Variants in ACSL3 observed in about 807,000 individuals in gnomAD.
ACSL3 encodes the protein acyl-CoA synthetase long chain family member 3, also known as fatty acid CoA ligase Acsl3.
A neutral mutation model predicts 84.7 loss-of-function variants in ACSL3; 34 were observed. The observed-to-expected ratio is 0.40, with a 90% CI of 0.31 to 0.53. ACSL3 has a LOEUF of 0.53. Among genes scored for constraint, ACSL3 ranks in the 20% least tolerant of loss-of-function variants. ACSL3 has a pLI of 0.48. For synonymous variants in ACSL3, 315 were observed against 299.4 expected, an observed-to-expected ratio of 1.05 and a Z score of -0.54; for missense variants, 680 against 873.1, an observed-to-expected ratio of 0.78 and a Z score of 2.79.
At chr2:222,880,093 A>G (rs768286901) in intron 1 of ACSL3, among the ~76,000 whole-genome samples, 2 of 152,208 alleles carry the variant, frequency 1.3e-5, no homozygotes, top group Non-Finnish European at 1.5e-5. Context: ...CACTATTGCC[A>G]TATACAAAAG....
At chr2:222,938,308 A>G (rs1697226249) in intron 16 of ACSL3, among the ~76,000 whole-genome samples, 1 of 152,048 alleles carries the variant, frequency 6.6e-6, no homozygotes, top group African/African-American at 2.4e-5. Context: ...TTTTGCTTTA[A>G]CTTGAAGTAC....
chr2:222,895,352 T>C (rs1315527470), intron 2 of ACSL3, among the ~76,000 whole-genome samples: 1 of 152,198 alleles, frequency 6.6e-6, no homozygotes, highest in East Asian at 1.9e-4. Flanking sequence ...GGTGTGGCTC[T>C]CTTCTGCATA....
intron 1 of ACSL3, among the ~76,000 whole-genome samples, chr2:222,864,213 G>A (rs978341060): frequency 1.3e-5 from 2 of 152,166 alleles, no homozygotes; most frequent in African/African-American, 4.8e-5. Flanking sequence ...TTCTGGATAT[G>A]GGAAGGGCAT....
chr2:222,898,670 AAAC>A (rs1175161426), intron 2 of ACSL3, among the ~76,000 whole-genome samples: 1 of 152,154 alleles, frequency 6.6e-6, no homozygotes, highest in African/African-American at 2.4e-5. Flanking sequence ...AAAGATACAA[AAAC>A]AAAATTAGCC....
intron 1 of ACSL3, among the ~76,000 whole-genome samples, chr2:222,876,830 G>T (rs1559278049): frequency 2.0e-5 from 3 of 152,100 alleles, no homozygotes; most frequent in South Asian, 4.1e-4. Context: ...AAATACAGTT[G>T]TAATAAGTTA....
intron 1 of ACSL3, among the ~76,000 whole-genome samples, chr2:222,880,399 G>A (rs1695559659): frequency 6.6e-6 from 1 of 152,036 alleles, no homozygotes; most frequent in African/African-American, 2.4e-5. Context: ...GTGTCTATCA[G>A]TAGCATTTTA....
chr2:222,903,212 A>G (rs192406640), intron 3 of ACSL3, among the ~76,000 whole-genome samples: 2 of 152,124 alleles, frequency 1.3e-5, no homozygotes, highest in East Asian at 3.9e-4. Flanking sequence ...ATCTTAACTT[A>G]TCGCACTTTT....
At chr2:222,875,084 A>G (rs1411394703) in intron 1 of ACSL3, among the ~76,000 whole-genome samples, 1 of 152,228 alleles carries the variant, frequency 6.6e-6, no homozygotes, top group Non-Finnish European at 1.5e-5. Flanking sequence ...TGCGTTGTGT[A>G]TAACCTGCTA....
intron 1 of ACSL3, among the ~76,000 whole-genome samples, chr2:222,881,619 C>T (rs942163556): frequency 6.6e-6 from 1 of 152,150 alleles, no homozygotes; most frequent in Non-Finnish European, 1.5e-5. Context: ...CGGGTTCAAG[C>T]GATTCTCCTG....
rs202245769 is a variant in ACSL3, at chr2:222,922,813, A to G, written c.1062A>G (p.Pro354=). 8.4e-5 allele frequency: 135 copies of G among 1,614,178 alleles called. No individual in the cohort carries two copies. Among genetic ancestry groups the G allele is most frequent in the Non-Finnish European group, 1.1e-4 (131 of 1,179,994 alleles). ...SHGCRIGYSS[P]QTLADQSSKI... is the part of the protein sequence containing the mutation. ...GATGCCGCATTGGTTACTCTTCACC[A>G]CAGACTTTAGCAGATCAGGTAAGTT... The change falls in exon 9 of 17, where the codon CCA becomes CCG. Residue 354 remains proline, a synonymous_variant. Coordinates refer to ENST00000357430, the MANE Select transcript of ACSL3 (RefSeq NM_004457.5).
chr2:222,935,822 A>G (rs984559522), intron 16 of ACSL3, among the ~76,000 whole-genome samples: 15 of 152,188 alleles, frequency 9.9e-5, no homozygotes, highest in African/African-American at 3.4e-4. Flanking sequence ...TTTTAAGTGT[A>G]CAATTCAGTA....
intron 16 of ACSL3, among the ~76,000 whole-genome samples, 166 bp downstream of exon 16, chr2:222,934,853 A>G (rs1372642013): frequency 6.6e-6 from 1 of 152,214 alleles, no homozygotes; most frequent in Non-Finnish European, 1.5e-5. Flanking sequence ...AAGCCTTGCT[A>G]CACAAATTAA....
At chr2:222,864,479 C>T (rs1458091704) in intron 1 of ACSL3, among the ~76,000 whole-genome samples, 2 of 151,776 alleles carry the variant, frequency 1.3e-5, no homozygotes, top group African/African-American at 4.9e-5. Context: ...GGTCAGAGGA[C>T]AGCCAGAAAC....
In ACSL3 at chr2:222,943,573, A is replaced by C. The variant is rs1251043562; in HGVS notation, c.*1919A>C. ...TAGCTGATCACTGATGGAACCATCT[A>C]ATGAGGCAGGCTTAAACTCTATTTA... On this transcript the variant is annotated 3_prime_UTR_variant, in exon 17 of 17. Coordinates refer to ENST00000357430, the MANE Select transcript of ACSL3 (RefSeq NM_004457.5). The C allele has an allele frequency of 6.4e-6, 1 of 155,714 alleles. No homozygotes were observed. The highest frequency in any genetic ancestry group is 1.4e-5 in the Non-Finnish European group (1 of 70,182). 9.6% of individuals were successfully genotyped at this position (155,714 alleles called of 1,614,324 possible).
chr2:222,930,509 C>T (rs1160645429), intron 13 of ACSL3, 112 bp from the exon 14 acceptor site: 7 of 920,670 alleles, frequency 7.6e-6, no homozygotes, highest in Non-Finnish European at 9.2e-6. Context: ...GCCTTTTTTC[C>T]TTTGGGAAGT....
intron 16 of ACSL3, 25 bp from the exon 17 acceptor site, chr2:222,941,472 T>C (rs1272595843): frequency 8.7e-7 from 1 of 1,153,672 alleles, no homozygotes; most frequent in East Asian, 2.7e-5. Context: ...CCTTTTCTTC[T>C]TTTCTTTTTT....
At chr2:222,928,357 A>G (rs1696936592) in intron 12 of ACSL3, among the ~76,000 whole-genome samples, 1 of 152,218 alleles carries the variant, frequency 6.6e-6, no homozygotes, top group Admixed American at 6.5e-5. Flanking sequence ...TATACTGCAC[A>G]TCGGTGAGGC....
At chr2:222,907,131 C>T (rs898525509) in intron 3 of ACSL3, among the ~76,000 whole-genome samples, 1 of 152,162 alleles carries the variant, frequency 6.6e-6, no homozygotes, top group African/African-American at 2.4e-5. Context: ...ACTAGGCCAT[C>T]AATGTACCCA....
chr2:222,903,612 T>C (rs1289343530), intron 3 of ACSL3, among the ~76,000 whole-genome samples: 1 of 152,240 alleles, frequency 6.6e-6, no homozygotes. Context: ...AAAAGAGTTA[T>C]ATGAGTCATT....
Sources: allele counts gnomAD v4.1 joint callset (sites outside exome capture counted in the v4.1 genomes callset), GRCh38; gene constraint gnomAD v4.1.1; transcripts MANE v1.5; gene names NCBI Gene and HGNC (gene_info 2026-07-23, HGNC 2026-07-21).